The following HERC4 variants were observed in gnomAD, a reference collection of about 807,000 sequenced individuals.
HERC4 encodes the protein HECT and RLD domain containing E3 ubiquitin protein ligase 4, also known as probable E3 ubiquitin-protein ligase HERC4.
In HERC4, 28 loss-of-function variants were observed where a neutral mutation model predicts 124.3. The ratio of observed to expected loss-of-function variants is 0.23; its 90% CI spans 0.17 to 0.31. The LOEUF (loss-of-function observed/expected upper bound fraction) is 0.31, where lower values mean the gene tolerates loss of function less well. HERC4 is among the 10% of genes least tolerant of loss of function. The pLI is 1.00. For synonymous variants in HERC4, 407 were observed against 421.5 expected, an observed-to-expected ratio of 0.97 and a Z score of 0.42; for missense variants, 713 against 1,229.3, an observed-to-expected ratio of 0.58 and a Z score of 6.28.
chr10:67,952,077 A>G (rs2132272525), intron 19 of HERC4, among the ~76,000 whole-genome samples: 2 of 152,172 alleles, frequency 1.3e-5, no homozygotes, highest in Non-Finnish European at 2.9e-5. Flanking sequence ...ATAACTAACC[A>G]TTACCTCTGA....
intron 3 of HERC4, among the ~76,000 whole-genome samples, chr10:68,047,929 G>GT (rs561005842): frequency 0.06 from 8,666 of 145,282 alleles, 660 homozygotes; most frequent in East Asian, 0.31. Flanking sequence ...TTTTGTTTTT[G>GT]TTTTTTTTTT....
chr10:68,010,801 C>T, intron 9 of HERC4: 1 of 1,522,384 alleles, frequency 6.6e-7, no homozygotes, highest in Non-Finnish European at 9.0e-7. Context: ...GTGCATATCC[C>T]AGGGTGATCC....
chr10:67,998,868 C>A lies in HERC4; in HGVS notation c.1070-6186G>T, dbSNP rs59754499. Reference sequence around the variant, plus strand: ...ATTCTCCTGCCTCAGCCCCAACGAGCAGCTGGGACTACAGGTGTGCACCAC... The same window carrying A: ...ATTCTCCTGCCTCAGCCCCAACGAGAAGCTGGGACTACAGGTGTGCACCAC... On this transcript the variant is annotated intron_variant, in intron 9 of 24. Transcript: ENST00000373700. 0.01 allele frequency among the ~76,000 whole-genome samples: 1,536 copies of A among 152,086 alleles called. 78 individuals carry two copies. The East Asian group carries it at 0.16, about 15-fold the overall frequency.
intron 1 of HERC4, chr10:68,074,277 A>T: frequency 6.6e-6 from 1 of 152,200 alleles, no homozygotes; most frequent in South Asian, 2.1e-4. Context: ...GCAGTCATCC[A>T]CATTCTTACA....
At chr10:68,047,831 A>G (rs932478995) in intron 3 of HERC4, among the ~76,000 whole-genome samples, 1 of 152,340 alleles carries the variant, frequency 6.6e-6, no homozygotes, top group South Asian at 2.1e-4. Context: ...GCAGATTCTT[A>G]CAAAAGTAAA....
chr10:68,015,889 G>A (rs112115538), intron 8 of HERC4, among the ~76,000 whole-genome samples: 1,739 of 152,220 alleles, frequency 0.011, 22 homozygotes, highest in Middle Eastern at 0.031. Flanking sequence ...GATCACTTGA[G>A]GTCAGGAGTT....
chr10:67,966,867 T>C, intron 15 of HERC4, 65 bp from the exon 16 acceptor site: 1 of 1,297,826 alleles, frequency 7.7e-7, no homozygotes. Flanking sequence ...ATTTTTTTTA[T>C]TTTTTGAGAC....
chr10:68,047,338 T>C (rs1251041115), intron 3 of HERC4, among the ~76,000 whole-genome samples: 1 of 152,152 alleles, frequency 6.6e-6, no homozygotes, highest in Non-Finnish European at 1.5e-5. Flanking sequence ...ATAGATTCAC[T>C]TAGAAAACTC....
chr10:68,006,365 TTTTG>T (rs1406036006), intron 9 of HERC4, among the ~76,000 whole-genome samples: 2 of 148,958 alleles, frequency 1.3e-5, no homozygotes, highest in Non-Finnish European at 2.9e-5. Flanking sequence ...GCGTTTTTGT[TTTTG>T]TTTTTGTTTT....
chr10:67,942,823 A>C (rs769768765), intron 19 of HERC4, among the ~76,000 whole-genome samples: 1 of 152,150 alleles, frequency 6.6e-6, no homozygotes, highest in Non-Finnish European at 1.5e-5. Context: ...GTTCCAGTTT[A>C]AACTGCCATT....
Position 67,990,920 on chromosome 10 carries a change from G to T in HERC4, c.1427C>A (p.Pro476Gln). Residue 476 changes from proline to glutamine, a missense_variant, in exon 13 of 25, where the codon CCG becomes CAG. By Grantham distance (76) the Pro-to-Gln change is moderately conservative (BLOSUM62 -1). Transcript: ENST00000373700. ...LFHKLIQPDH[P>Q]QISQQVAASL... ...AAAACAGACCTGCTGAGATATCTGC[G>T]GATGATCAGGTTGTATAAGTTTGTG... 1 of 1,594,500 alleles carries T rather than the reference G, an allele frequency of 6.3e-7. No homozygotes were observed. The highest frequency in any genetic ancestry group is 8.6e-7 in the Non-Finnish European group (1 of 1,168,332).
At chr10:67,976,471 C>T (rs997749142) in intron 15 of HERC4, among the ~76,000 whole-genome samples, 4 of 152,000 alleles carry the variant, frequency 2.6e-5, no homozygotes, top group Non-Finnish European at 5.9e-5. Flanking sequence ...GTTTCCATCC[C>T]TAAAAGCAAA....
chr10:67,990,537 G>GA, intron 13 of HERC4, 137 bp from the exon 14 acceptor site: 1 of 514,914 alleles, frequency 1.9e-6, no homozygotes, highest in Non-Finnish European at 3.3e-6. Context: ...TGGTGAAGAA[G>GA]AAAAAAGAAA....
intron 15 of HERC4, among the ~76,000 whole-genome samples, chr10:67,970,243 G>C (rs1392283225): frequency 2.0e-5 from 3 of 152,126 alleles, no homozygotes; most frequent in Non-Finnish European, 2.9e-5. Flanking sequence ...TAAACCTATT[G>C]ATTTCAGTTT....
intron 24 of HERC4, 83 bp from the exon 25 acceptor site, chr10:67,923,222 C>A: frequency 9.9e-7 from 1 of 1,005,402 alleles, no homozygotes. Flanking sequence ...GTCGCTACAG[C>A]AGAGCTTCAC....
intron 14 of HERC4, among the ~76,000 whole-genome samples, chr10:67,989,242 T>C (rs1436198315): frequency 1.3e-5 from 2 of 152,096 alleles, no homozygotes; most frequent in South Asian, 4.1e-4. Flanking sequence ...CTTTTATCTT[T>C]CAATTTAATA....
chr10:68,020,955 C>T (rs1164885053), intron 8 of HERC4, among the ~76,000 whole-genome samples: 2 of 151,938 alleles, frequency 1.3e-5, no homozygotes, highest in African/African-American at 4.8e-5. Context: ...CTAGGGGAAC[C>T]ATAGGATACC....
intron 6 of HERC4, among the ~76,000 whole-genome samples, chr10:68,033,276 C>T (rs1267333079): frequency 6.6e-6 from 1 of 152,054 alleles, no homozygotes; most frequent in Non-Finnish European, 1.5e-5. Flanking sequence ...ACATGATATC[C>T]TAATATGACA....
intron 9 of HERC4, chr10:67,993,712 A>G (rs982940325): frequency 5.9e-5 from 9 of 152,188 alleles, no homozygotes; most frequent in African/African-American, 2.2e-4. Flanking sequence ...TTAATAAGCA[A>G]ATTTATTAGG....
Sources: gnomAD v4.1 joint callset for allele counts (sites outside exome capture counted in the v4.1 genomes callset) on GRCh38, gnomAD v4.1.1 for gene constraint, MANE v1.5 for transcripts, NCBI Gene and HGNC (gene_info 2026-07-23, HGNC 2026-07-21) for gene names.